The following SERPINA1 variants were observed in gnomAD, a reference collection of about 807,000 sequenced individuals.
SERPINA1 encodes the protein alpha-1-antitrypsin.
SERPINA1 carries 21 observed loss-of-function variants against 25.4 expected under a neutral mutation model. That is an observed-to-expected ratio of 0.83 (90% CI 0.59 to 1.19). SERPINA1 has a LOEUF of 1.19. Ranked by LOEUF, SERPINA1 falls within the 50% of genes most tolerant of loss-of-function variation. The probability of loss-of-function intolerance (pLI) is 0.00; values close to 1 mark genes in which losing one functional copy is unlikely to be tolerated. For missense variants in SERPINA1, 546 were observed against 509.0 expected (o/e 1.07, Z -0.70); for synonymous variants, 218 against 211.1 (o/e 1.03, Z -0.29).
In SERPINA1 at chr14:94,381,152, G is replaced by T; in HGVS notation, c.647-11C>A. 6.2e-7 allele frequency: 1 copy of T among 1,609,902 alleles called. No individual in the cohort carries two copies. The highest frequency in any genetic ancestry group is 1.1e-5 in the South Asian group (1 of 90,912). On this transcript the variant is annotated splice_polypyrimidine_tract_variant and intron_variant, in intron 2 of 4. Coordinates refer to ENST00000393087, the MANE Select transcript of SERPINA1 (RefSeq NM_000295.5). ...GTCTCTCCCATTTGCCTGGAGAGAG[G>T]GGAAGGTGGGCATCACCAGGGGTGA...
At chr14:94,390,397 C>T (rs1366588580), upstream of SERPINA1, 1 of 152,650 alleles carries the variant, frequency 6.6e-6, no homozygotes, top group Non-Finnish European at 1.5e-5. Flanking sequence ...GACCCCCACT[C>T]TAAGCCCTGC....
In SERPINA1 at chr14:94,382,955, C is replaced by T. The variant is rs1252210567; in HGVS notation, c.283G>A (p.Asp95Asn). ...CCCTCCAGGATTTCATCGTGAGTGT[C>T]AGCCTTGGTCCCCAGGGAGAGCATT... ...FAMLSLGTKA[D>N]THDEILEGLN... Residue 95 changes from aspartate to asparagine, a missense_variant, in exon 2 of 5, where the codon GAC becomes AAC. Physicochemically the swap from Asp to Asn is conservative, Grantham distance 23. Transcript: ENST00000393087. The T allele has an allele frequency of 6.2e-7, 1 of 1,609,154 alleles. No homozygotes were observed. Among genetic ancestry groups the T allele is most frequent in the Non-Finnish European group, 8.5e-7 (1 of 1,176,282 alleles).
rs1291036417 is a variant in SERPINA1, at chr14:94,378,570, G to T, written c.1136C>A (p.Ala379Asp). Residue 379 changes from alanine (A) to aspartate (D), a missense_variant, in exon 5 of 5, where the codon GCC becomes GAC. Transcript: ENST00000393087. The part of the protein sequence containing the change: ...TEAAGAMFLE[A>D]IPMSIPPEVK... ...CTCGGGGGGGATAGACATGGGTATG[G>T]CCTCTAAAAACATGGCCCCAGCAGC... The T allele has an allele frequency of 1.2e-6, 2 of 1,614,030 alleles. No homozygotes were observed. Among genetic ancestry groups the T allele is most frequent in the Non-Finnish European group, 1.7e-6 (2 of 1,179,976 alleles).
upstream of SERPINA1, chr14:94,388,714 GC>G (rs1897465137): frequency 1.3e-5 from 2 of 152,388 alleles, no homozygotes; most frequent in Non-Finnish European, 2.9e-5. Flanking sequence ...GCAAACAGGG[GC>G]TAAGTCCACT....
chr14:94,386,486 A>T (rs1485564642), intron 1 of SERPINA1, among the ~76,000 whole-genome samples: 1 of 152,206 alleles, frequency 6.6e-6, no homozygotes, highest in African/African-American at 2.4e-5. Flanking sequence ...ACTTACTGGC[A>T]GGGGGCCTGG....
In SERPINA1 at chr14:94,376,812, A is replaced by G. The variant is rs1396871866; in HGVS notation, c.*1637T>C. 1 of 152,208 alleles carries G rather than the reference A, an allele frequency of 6.6e-6. No homozygotes were observed. Among genetic ancestry groups the G allele is most frequent in the East Asian group, 1.9e-4 (1 of 5,196 alleles). The allele number at this position is 152,208 out of a possible 1,614,324, so 9.4% of individuals were successfully genotyped here. On this transcript the variant is annotated 3_prime_UTR_variant, in exon 5 of 5. Coordinates refer to ENST00000393087, the MANE Select transcript of SERPINA1 (RefSeq NM_000295.5). Reference sequence around the variant, plus strand: ...TATAAACATTTTGTTATCTAACTTGAACATCATACCAACTCAAAGGCAGGT... The same window carrying G: ...TATAAACATTTTGTTATCTAACTTGGACATCATACCAACTCAAAGGCAGGT...
chr14:94,380,713 TG>T, intron 3 of SERPINA1, 157 bp downstream of exon 3: 1 of 879,582 alleles, frequency 1.1e-6, no homozygotes, highest in Non-Finnish European at 1.9e-6. Context: ...AACTCAGTGG[TG>T]GCCTCATTCT....
intron 4 of SERPINA1, 35 bp downstream of exon 4, chr14:94,379,429 A>T: frequency 6.2e-7 from 1 of 1,613,530 alleles, no homozygotes; most frequent in Non-Finnish European, 8.5e-7. Context: ...CCCTACAGAT[A>T]CCAGGGTGCA....
At chr14:94,379,002 G>A (rs1461462773) in intron 4 of SERPINA1, 1 of 537,046 alleles carries the variant, frequency 1.9e-6, no homozygotes, top group African/African-American at 1.9e-5. Context: ...CAGACCCCAA[G>A]ATAATGCAGC....
At chr14:94,381,320 C>T (rs1051998105) in intron 2 of SERPINA1, among the ~76,000 whole-genome samples, 179 bp from the exon 3 acceptor site, 15 of 151,934 alleles carry the variant, frequency 9.9e-5, no homozygotes, top group African/African-American at 2.2e-4. Context: ...TCCAAGCTGC[C>T]GAAAAAGATT....
At chr14:94,387,062 C>T (rs929166558) in intron 1 of SERPINA1, among the ~76,000 whole-genome samples, 4 of 152,192 alleles carry the variant, frequency 2.6e-5, no homozygotes, top group Non-Finnish European at 5.9e-5. Flanking sequence ...GATTTCACTC[C>T]AAAACCTGAC....
Position 94,382,822 on chromosome 14 carries a change from C to T in SERPINA1, c.416G>A (p.Gly139Asp), listed in dbSNP as rs757562207. The T allele has an allele frequency of 1.9e-6, 3 of 1,614,234 alleles. No homozygotes were observed. The highest frequency in any genetic ancestry group is 1.3e-5 in the African/African-American group (1 of 75,048). ...GCCCTCGCTGAGGAACAGGCCATTG[C>T]CGGTGGTCAGCTGGAGCTGGCTGTC... ...QPDSQLQLTT[G>D]NGLFLSEGLK... The change falls in exon 2 of 5, where the codon GGC (glycine) becomes GAC (aspartate). Residue 139 changes from glycine (G) to aspartate (D), a missense_variant. Physicochemically the swap from Gly to Asp is moderately conservative, Grantham distance 94. Transcript: ENST00000393087.
Position 94,381,145 on chromosome 14 carries a change from G to A in SERPINA1, c.647-4C>T, listed in dbSNP as rs765065881. 1.2e-6 allele frequency: 2 copies of A among 1,610,972 alleles called. No homozygotes were observed. ...TCAAAGGGTCTCTCCCATTTGCCTG[G>A]AGAGAGGGGAAGGTGGGCATCACCA... On this transcript the variant is annotated splice_region_variant and splice_polypyrimidine_tract_variant and intron_variant, in intron 2 of 4. Transcript: ENST00000393087.
chr14:94,380,786 C>T lies in SERPINA1; in HGVS notation c.917+85G>A, dbSNP rs967231182. ...GATGTGGGGTTCACCCTCCTCAGCCCTCTGGCCAGTCCTGATGGGCCTCAG... is the reference window on the plus strand; with the variant it reads ...GATGTGGGGTTCACCCTCCTCAGCCTTCTGGCCAGTCCTGATGGGCCTCAG... On this transcript the variant is annotated intron_variant, in intron 3 of 4. Transcript: ENST00000393087. 7.6e-6 allele frequency: 12 copies of T among 1,577,430 alleles called. No homozygotes were observed. The African/African-American group carries it at 1.2e-4, about 16-fold the overall frequency.
chr14:94,385,893 C>A (rs1217067387), intron 1 of SERPINA1, among the ~76,000 whole-genome samples: 1 of 152,150 alleles, frequency 6.6e-6, no homozygotes, highest in African/African-American at 2.4e-5. Flanking sequence ...AGGGTCAGGG[C>A]CTTGTTGAGG....
Position 94,381,006 on chromosome 14 carries a change from C to G in SERPINA1, c.782G>C (p.Ser261Thr). 3 of 1,614,146 alleles carry G rather than the reference C, an allele frequency of 1.9e-6. No individual in the cohort carries two copies. The highest frequency in any genetic ancestry group is 2.5e-6 in the Non-Finnish European group (3 of 1,180,026). ...FNIQHCKKLS[S>T]WVLLMKYLGN... ...CAGGTATTTCATCAGCAGCACCCAG[C>G]TGGACAGCTTCTTACAGTGCTGGAT... is the stretch of plus-strand genomic sequence containing the variant. Residue 261 changes from serine (S) to threonine (T), a missense_variant, in exon 3 of 5, where the codon AGC becomes ACC. By Grantham distance (58) the Ser-to-Thr change is moderately conservative. Transcript: ENST00000393087.
intron 2 of SERPINA1, 143 bp downstream of exon 2, chr14:94,382,449 G>C: frequency 1.1e-6 from 1 of 894,724 alleles, no homozygotes; most frequent in Non-Finnish European, 1.8e-6. Context: ...TTTAGTGTTT[G>C]TGTGTAGAAA....
intron 4 of SERPINA1, chr14:94,378,976 T>C: frequency 1.8e-6 from 1 of 549,792 alleles, no homozygotes; most frequent in Non-Finnish European, 3.3e-6. Flanking sequence ...ACCCTGGCAG[T>C]GACCTTCACA....
chr14:94,386,694 C>G (rs1416134615), intron 1 of SERPINA1, among the ~76,000 whole-genome samples: 1 of 152,114 alleles, frequency 6.6e-6, no homozygotes, highest in East Asian at 1.9e-4. Context: ...GCTGCACTCC[C>G]CAGGACCATT....
Sources: allele counts gnomAD v4.1 joint callset (sites outside exome capture counted in the v4.1 genomes callset), GRCh38; gene constraint gnomAD v4.1.1; transcripts MANE v1.5; gene names NCBI Gene and HGNC (gene_info 2026-07-23, HGNC 2026-07-21).